Variants in CFAP47 observed in about 807,000 individuals in gnomAD.
The protein encoded by CFAP47 is cilia and flagella associated protein 47, also known as cilia- and flagella-associated protein 47.
In CFAP47, 29 loss-of-function variants were observed where a neutral mutation model predicts 148.1. The ratio of observed to expected loss-of-function variants is 0.20; its 90% CI spans 0.15 to 0.27. The LOEUF is 0.27. Ranked by LOEUF, CFAP47 falls within the 10% of genes least tolerant of loss-of-function variation. The probability of loss-of-function intolerance (pLI) is 1.00; values close to 1 mark genes in which losing one functional copy is unlikely to be tolerated. For synonymous variants in CFAP47, 664 were observed against 577.3 expected (o/e 1.15, Z -2.15); for missense variants, 1,872 against 1,697.5 (o/e 1.10, Z -1.81).
intron 17 of CFAP47, among the ~76,000 whole-genome samples, chrX:35,992,334 TA>T (rs1387026570): frequency 9.1e-6 from 1 of 110,015 alleles, no homozygotes; most frequent in Non-Finnish European, 1.9e-5. Context: ...CTGGAGAGAG[TA>T]TGTTTATGGT....
intron 37 of CFAP47, among the ~76,000 whole-genome samples, chrX:36,157,257 T>G (rs1939379057): frequency 8.9e-6 from 1 of 112,467 alleles, no homozygotes; most frequent in Admixed American, 9.4e-5. Flanking sequence ...TTAAAATATT[T>G]CAGCTTCCCA....
At chrX:36,316,501 T>C (rs1556010996) in intron 56 of CFAP47, among the ~76,000 whole-genome samples, 1 of 112,061 alleles carries the variant, frequency 8.9e-6, no homozygotes, top group Non-Finnish European at 1.9e-5. Flanking sequence ...GGAAGAATGG[T>C]TGCCTCTTTT....
intron 33 of CFAP47, among the ~76,000 whole-genome samples, chrX:36,126,768 G>C (rs1341897452): frequency 8.9e-6 from 1 of 111,754 alleles, no homozygotes; most frequent in East Asian, 2.8e-4. Context: ...GTTTTTTCCT[G>C]ACTTTTTAAT....
intron 2 of CFAP47, among the ~76,000 whole-genome samples, chrX:35,926,659 A>T (rs1313004421): frequency 9.0e-6 from 1 of 110,919 alleles, no homozygotes; most frequent in Non-Finnish European, 1.9e-5. Context: ...AATTTATCAA[A>T]GTTAGTGTTA....
intron 22 of CFAP47, among the ~76,000 whole-genome samples, chrX:36,019,562 A>C (rs1053147552): frequency 3.6e-5 from 4 of 111,779 alleles, no homozygotes; most frequent in African/African-American, 1.3e-4. Flanking sequence ...AAGCTATGCA[A>C]ACTCTCAGGC....
chrX:36,293,868 TG>T lies in CFAP47; in HGVS notation c.7687-5108del, dbSNP rs1185129896. Among the ~76,000 whole-genome samples the T allele has an allele frequency of 1.1e-4, 12 of 111,505 alleles. No individual in the cohort carries two copies. The South Asian group carries it at 1.5e-3, about 14-fold the overall frequency. ...TAAGGAGGGGAAGCTGATAGTTTAA[TG>T]CCCCTGGCTCTTGGTGAGTTCCTAC... On this transcript the variant is annotated intron_variant, in intron 51 of 63. Transcript: ENST00000378653.
chrX:36,004,049 T>G (rs1439855917), intron 21 of CFAP47, among the ~76,000 whole-genome samples: 1 of 101,353 alleles, frequency 9.9e-6, no homozygotes, highest in Non-Finnish European at 2.0e-5. Flanking sequence ...CTCAGCTCAC[T>G]GCAACCTCCA....
intron 15 of CFAP47, among the ~76,000 whole-genome samples, chrX:35,988,349 C>T (rs928432488): frequency 4.5e-5 from 5 of 111,853 alleles, no homozygotes; most frequent in African/African-American, 1.3e-4. Context: ...ACTTCCATAA[C>T]CAGTTCTCTT....
At chrX:36,337,953 C>G (rs1941620791) in intron 57 of CFAP47, among the ~76,000 whole-genome samples, 1 of 101,226 alleles carries the variant, frequency 9.9e-6, no homozygotes, top group Admixed American at 1.1e-4. Context: ...ACTGCAAGCT[C>G]CGCCTCCTGG....
intron 24 of CFAP47, among the ~76,000 whole-genome samples, chrX:36,037,176 TCTC>T (rs775515220): frequency 1.8e-4 from 20 of 111,905 alleles, no homozygotes; most frequent in Non-Finnish European, 7.5e-5. Flanking sequence ...GTTCAGAACT[TCTC>T]CTTTATGTGC....
intron 57 of CFAP47, among the ~76,000 whole-genome samples, chrX:36,322,474 A>G (rs782030288): frequency 9.0e-6 from 1 of 110,828 alleles, no homozygotes; most frequent in East Asian, 2.8e-4. Context: ...GACTGCCGAT[A>G]AAATCTATAT....
At chrX:36,098,335 A>G (rs1195447711) in intron 30 of CFAP47, among the ~76,000 whole-genome samples, 2 of 111,168 alleles carry the variant, frequency 1.8e-5, no homozygotes, top group Non-Finnish European at 3.8e-5. Context: ...TGGTGAGCTC[A>G]TGTTTTCCTG....
intron 46 of CFAP47, among the ~76,000 whole-genome samples, chrX:36,233,515 C>T (rs782283796): frequency 3.8e-4 from 42 of 111,153 alleles, no homozygotes; most frequent in South Asian, 3.4e-3. Context: ...TGTCTCTGCC[C>T]GTGAGATGGG....
At chrX:36,193,023 A>G (rs1395203661) in intron 42 of CFAP47, among the ~76,000 whole-genome samples, 1 of 111,721 alleles carries the variant, frequency 9.0e-6, no homozygotes, top group African/African-American at 3.3e-5. Context: ...CCAGTTCTTA[A>G]GTATATTAAT....
At chrX:36,255,984 A>C (rs1200984556) in intron 49 of CFAP47, among the ~76,000 whole-genome samples, 1 of 112,208 alleles carries the variant, frequency 8.9e-6, no homozygotes, top group Non-Finnish European at 1.9e-5. Flanking sequence ...CCATGTTTGC[A>C]GGTGTGAGAG....
At chrX:35,954,425 T>C (rs150756206) in intron 7 of CFAP47, among the ~76,000 whole-genome samples, 95 of 111,214 alleles carry the variant, frequency 8.5e-4, no homozygotes, top group African/African-American at 2.9e-3. Context: ...TCAGTATAAG[T>C]GATATTGAGC....
At chrX:36,297,312 T>G (rs1234820894) in intron 51 of CFAP47, among the ~76,000 whole-genome samples, 2 of 111,834 alleles carry the variant, frequency 1.8e-5, no homozygotes, top group Non-Finnish European at 3.8e-5. Flanking sequence ...ATATCTGCCT[T>G]GAAGATATGT....
intron 33 of CFAP47, among the ~76,000 whole-genome samples, chrX:36,124,578 T>C (rs1938803043): frequency 9.0e-6 from 1 of 111,392 alleles, no homozygotes; most frequent in South Asian, 3.8e-4. Context: ...TGCTTCACAA[T>C]TGCTGCAATA....
At chrX:36,314,568 A>G (rs1264669522) in intron 56 of CFAP47, among the ~76,000 whole-genome samples, 1 of 111,920 alleles carries the variant, frequency 8.9e-6, no homozygotes, top group Non-Finnish European at 1.9e-5. Context: ...GTCTGTTTAC[A>G]GTTCCATATA....
Sources: allele counts gnomAD v4.1 joint callset (sites outside exome capture counted in the v4.1 genomes callset), GRCh38; gene constraint gnomAD v4.1.1; transcripts MANE v1.5; gene names NCBI Gene and HGNC (gene_info 2026-07-23, HGNC 2026-07-21).